The following AKAP19 variants were observed in gnomAD, a reference collection of about 807,000 sequenced individuals.
AKAP19 encodes the protein A-kinase anchoring protein 19.
chr2:190,016,526 T>G, the AKAP19 span, among the ~76,000 whole-genome samples: 1,732 of 152,298 alleles, frequency 0.011, 19 homozygotes, highest in Non-Finnish European at 0.017. Flanking sequence ...GAGATTTGGA[T>G]GGGGACACAA....
the AKAP19 span, among the ~76,000 whole-genome samples, chr2:190,048,165 A>G: frequency 1.3e-5 from 2 of 152,222 alleles, no homozygotes; most frequent in African/African-American, 4.8e-5. Context: ...CTGTGCTATT[A>G]CTAAATTCTA....
the AKAP19 span, among the ~76,000 whole-genome samples, chr2:190,111,219 A>G: frequency 3.3e-5 from 5 of 152,190 alleles, no homozygotes; most frequent in African/African-American, 1.2e-4. Context: ...TGCCCCAGAT[A>G]TCACATGAAA....
chr2:189,998,830 T>C, the AKAP19 span, among the ~76,000 whole-genome samples: 1 of 127,530 alleles, frequency 7.8e-6, no homozygotes, highest in Non-Finnish European at 1.6e-5. Context: ...TGGAGCACAA[T>C]GATGCAATCT....
At chr2:190,111,956 G>C in the AKAP19 span, among the ~76,000 whole-genome samples, 1 of 151,992 alleles carries the variant, frequency 6.6e-6, no homozygotes, top group Non-Finnish European at 1.5e-5. Context: ...GGAGTGCAGT[G>C]GCACGATCTC....
At chr2:189,930,915 C>G in the AKAP19 span, 1 of 713,704 alleles carries the variant, frequency 1.4e-6, no homozygotes. Flanking sequence ...GCTCCTGATA[C>G]GGCTTAGTTC....
At chr2:189,938,844 C>T in the AKAP19 span, among the ~76,000 whole-genome samples, 2 of 152,034 alleles carry the variant, frequency 1.3e-5, no homozygotes, top group Admixed American at 1.3e-4. Flanking sequence ...CATATATCTA[C>T]CCACAAAAAT....
chr2:189,923,836 G>A, the AKAP19 span: 2 of 1,610,730 alleles, frequency 1.2e-6, no homozygotes, highest in Non-Finnish European at 1.7e-6. Flanking sequence ...GTGGACAGCG[G>A]GGATCTTCCA....
At chr2:189,888,498 G>A in the AKAP19 span, among the ~76,000 whole-genome samples, 2 of 152,284 alleles carry the variant, frequency 1.3e-5, no homozygotes, top group African/African-American at 2.4e-5. Context: ...GTAGCTTGAT[G>A]GGGATAGCAT....
the AKAP19 span, among the ~76,000 whole-genome samples, chr2:190,028,526 A>T: frequency 6.6e-6 from 1 of 152,126 alleles, no homozygotes; most frequent in East Asian, 1.9e-4. Flanking sequence ...CAAAATGATA[A>T]CTACCTTTTT....
chr2:189,982,113 C>G, the AKAP19 span, among the ~76,000 whole-genome samples: 5 of 152,010 alleles, frequency 3.3e-5, no homozygotes, highest in African/African-American at 4.8e-5. Context: ...AAGTTGTTTT[C>G]TAGCTTTTTC....
chr2:190,099,301 A>G, the AKAP19 span, among the ~76,000 whole-genome samples: 1 of 152,158 alleles, frequency 6.6e-6, no homozygotes, highest in Non-Finnish European at 1.5e-5. Flanking sequence ...TCACTCAGCC[A>G]CTTAAAGACC....
the AKAP19 span, among the ~76,000 whole-genome samples, chr2:189,978,440 G>A: frequency 6.6e-6 from 1 of 152,020 alleles, no homozygotes; most frequent in Admixed American, 6.6e-5. Flanking sequence ...GGCCAACATG[G>A]TGAAACCCCA....
chr2:190,192,129 AAAGTAT>A, the AKAP19 span, among the ~76,000 whole-genome samples: 1 of 152,108 alleles, frequency 6.6e-6, no homozygotes, highest in Non-Finnish European at 1.5e-5. Flanking sequence ...ATTTTTCTAT[AAAGTAT>A]AAGGTATAAG....
the AKAP19 span, among the ~76,000 whole-genome samples, chr2:190,115,606 A>T: frequency 6.6e-6 from 1 of 151,674 alleles, no homozygotes; most frequent in Non-Finnish European, 1.5e-5. Context: ...GGCGTGAGCC[A>T]CCGCGCCCGG....
the AKAP19 span, among the ~76,000 whole-genome samples, chr2:189,995,499 A>G: frequency 7.6e-4 from 115 of 152,278 alleles, 3 homozygotes; most frequent in African/African-American, 2.6e-3. Flanking sequence ...TTAAGTTTAC[A>G]TGAGTCCTTA....
the AKAP19 span, among the ~76,000 whole-genome samples, chr2:189,991,855 T>C: frequency 6.6e-6 from 1 of 152,146 alleles, no homozygotes; most frequent in Non-Finnish European, 1.5e-5. Context: ...GTTTGATCCA[T>C]GTTGAGTTGA....
the AKAP19 span, chr2:190,060,451 A>G: frequency 6.2e-7 from 1 of 1,600,016 alleles, no homozygotes; most frequent in African/African-American, 1.3e-5. Flanking sequence ...AATGAATAAG[A>G]AAAGAAAAGT....
At chr2:190,078,782 C>T in the AKAP19 span, among the ~76,000 whole-genome samples, 4 of 152,064 alleles carry the variant, frequency 2.6e-5, no homozygotes, top group Non-Finnish European at 4.4e-5. Context: ...CCCAGCAATT[C>T]TATCTTTTAG....
At chr2:190,060,352 T>G in the AKAP19 span, 1 of 1,612,698 alleles carries the variant, frequency 6.2e-7, no homozygotes, top group Non-Finnish European at 8.5e-7. Flanking sequence ...AGTTGGGCCT[T>G]TACTACTTTA....
Sources: gnomAD v4.1 joint callset for allele counts (sites outside exome capture counted in the v4.1 genomes callset) on GRCh38, gnomAD v4.1.1 for gene constraint, MANE v1.5 for transcripts, NCBI Gene and HGNC (gene_info 2026-07-23, HGNC 2026-07-21) for gene names.